The following DLG2 variants were observed in gnomAD, a reference collection of about 807,000 sequenced individuals.
The protein encoded by DLG2 is discs large MAGUK scaffold protein 2, also known as disks large homolog 2.
Under a neutral mutation model 132.5 loss-of-function variants are expected in DLG2, and 45 were observed. That is an observed-to-expected ratio of 0.34 (90% CI 0.27 to 0.44). DLG2 has a LOEUF of 0.44. DLG2 is among the 20% of genes least tolerant of loss of function. The probability of loss-of-function intolerance (pLI) is 1.00; values close to 1 mark genes in which losing one functional copy is unlikely to be tolerated. For missense variants in DLG2, 1,045 were observed against 1,196.9 expected (o/e 0.87, Z 1.87); for synonymous variants, 424 against 419.6 (o/e 1.01, Z -0.13).
At chr11:84,153,357 T>C (rs1318825660) in intron 9 of DLG2, among the ~76,000 whole-genome samples, 1 of 152,120 alleles carries the variant, frequency 6.6e-6, no homozygotes. Flanking sequence ...AGCGGTTTTC[T>C]GTATTTCTTG....
chr11:84,496,978 AGGTAGCCAG>A (rs1206831454), intron 7 of DLG2, among the ~76,000 whole-genome samples: 1 of 152,184 alleles, frequency 6.6e-6, no homozygotes, highest in Non-Finnish European at 1.5e-5. Flanking sequence ...ATAGGTTAAG[AGGTAGCCAG>A]GAATTTAGGT....
chr11:85,176,877 T>G (rs1024706318), intron 4 of DLG2, among the ~76,000 whole-genome samples: 2 of 152,134 alleles, frequency 1.3e-5, no homozygotes, highest in Admixed American at 1.3e-4. Context: ...TCACTGATCA[T>G]TAAAGAAATG....
intron 11 of DLG2, among the ~76,000 whole-genome samples, chr11:84,029,351 C>T (rs572821616): frequency 2.6e-5 from 4 of 152,008 alleles, no homozygotes; most frequent in Non-Finnish European, 4.4e-5. Context: ...GTTGAATGCT[C>T]ACCATACAGA....
At chr11:83,709,428 G>T (rs1007948338) in intron 18 of DLG2, among the ~76,000 whole-genome samples, 5 of 151,112 alleles carry the variant, frequency 3.3e-5, no homozygotes, top group Non-Finnish European at 5.9e-5. Context: ...GAACCACATT[G>T]TAAAGTTCAG....
chr11:84,283,407 A>T (rs1030585015), intron 7 of DLG2, among the ~76,000 whole-genome samples: 1 of 152,228 alleles, frequency 6.6e-6, no homozygotes, highest in Non-Finnish European at 1.5e-5. Context: ...GTTAATATTG[A>T]TAAAACTTTA....
intron 6 of DLG2, among the ~76,000 whole-genome samples, chr11:84,714,978 T>C (rs1596359645): frequency 6.6e-6 from 1 of 152,068 alleles, no homozygotes; most frequent in East Asian, 1.9e-4. Context: ...CTCTCTTTTG[T>C]GAGAGTCACC....
At chr11:84,503,067 G>T (rs1028656755) in intron 7 of DLG2, among the ~76,000 whole-genome samples, 5 of 152,156 alleles carry the variant, frequency 3.3e-5, no homozygotes, top group Non-Finnish European at 7.4e-5. Context: ...CCTGGAAGTG[G>T]TGTTTCTAAT....
intron 6 of DLG2, among the ~76,000 whole-genome samples, chr11:84,785,323 G>T (rs898817664): frequency 6.6e-6 from 1 of 151,906 alleles, no homozygotes; most frequent in East Asian, 1.9e-4. Flanking sequence ...TTATGTTATG[G>T]TTCCCTATAT....
At chr11:84,482,495 T>C (rs1391813542) in intron 7 of DLG2, among the ~76,000 whole-genome samples, 1 of 152,232 alleles carries the variant, frequency 6.6e-6, no homozygotes, top group African/African-American at 2.4e-5. Context: ...AATAAAACCT[T>C]GAGCAAGCTC....
At chr11:84,040,485 C>A (rs1021414331) in intron 11 of DLG2, among the ~76,000 whole-genome samples, 4 of 151,370 alleles carry the variant, frequency 2.6e-5, no homozygotes, top group South Asian at 2.1e-4. Context: ...GGAATCCTTT[C>A]CCCATTGCCT....
rs78449094 is a variant in DLG2 at position 83,891,230 on chromosome 11, T to C, written c.1497-16742A>G. On this transcript the variant is annotated intron_variant, in intron 15 of 27. Coordinates refer to ENST00000376104, the MANE Select transcript of DLG2 (RefSeq NM_001142699.3). ...GAAGACTTAGTGATAGGAAACATTATAGGATGAGTAGCAGAAGGTAACACA... is the reference window on the plus strand; with the variant it reads ...GAAGACTTAGTGATAGGAAACATTACAGGATGAGTAGCAGAAGGTAACACA... 7.3e-5 allele frequency among the ~76,000 whole-genome samples: 11 copies of C among 151,292 alleles called. No homozygotes were observed. In the East Asian group the frequency reaches 7.8e-4, roughly 11 times the overall value.
chr11:85,288,714 T>C (rs1467738571), intron 3 of DLG2, among the ~76,000 whole-genome samples: 2 of 152,050 alleles, frequency 1.3e-5, no homozygotes, highest in African/African-American at 2.4e-5. Flanking sequence ...TCTGTAAACA[T>C]ATCTGCAGCT....
intron 7 of DLG2, among the ~76,000 whole-genome samples, chr11:84,353,905 A>G (rs977005542): frequency 1.7e-4 from 26 of 152,148 alleles, no homozygotes; most frequent in Admixed American, 6.5e-5. Context: ...GATCTTCCTC[A>G]ACCTCCCTGA....
chr11:84,078,120 T>C (rs1406295982), intron 10 of DLG2, among the ~76,000 whole-genome samples: 1 of 152,126 alleles, frequency 6.6e-6, no homozygotes, highest in Non-Finnish European at 1.5e-5. Context: ...TCTTAGTAGA[T>C]TGAGTAGTGT....
At chr11:85,284,703 A>G (rs1416482583) in intron 4 of DLG2, among the ~76,000 whole-genome samples, 1 of 151,996 alleles carries the variant, frequency 6.6e-6, no homozygotes, top group Non-Finnish European at 1.5e-5. Flanking sequence ...ATTGCTTTAT[A>G]TTTATTTTTA....
chr11:84,164,515 G>C (rs1439476027), intron 8 of DLG2, among the ~76,000 whole-genome samples: 1 of 152,192 alleles, frequency 6.6e-6, no homozygotes, highest in Non-Finnish European at 1.5e-5. Context: ...ACCAGGGATT[G>C]AGAGTTCTAT....
chr11:84,397,656 A>T (rs2098815458), intron 7 of DLG2, among the ~76,000 whole-genome samples: 1 of 152,180 alleles, frequency 6.6e-6, no homozygotes, highest in Non-Finnish European at 1.5e-5. Flanking sequence ...CCTATCGCCA[A>T]CTCAGTTGAA....
chr11:85,395,514 T>C (rs1339452677), intron 3 of DLG2, among the ~76,000 whole-genome samples: 1 of 152,140 alleles, frequency 6.6e-6, no homozygotes, highest in Non-Finnish European at 1.5e-5. Context: ...AGGGAAGCCG[T>C]GACAGGCCAT....
intron 6 of DLG2, among the ~76,000 whole-genome samples, chr11:85,000,361 CAT>C (rs1454150610): frequency 1.3e-5 from 2 of 152,162 alleles, no homozygotes; most frequent in African/African-American, 4.8e-5. Flanking sequence ...TCTCCAAAAA[CAT>C]ATTTGCCGAA....
Sources: gnomAD v4.1 joint callset for allele counts (sites outside exome capture counted in the v4.1 genomes callset) on GRCh38, gnomAD v4.1.1 for gene constraint, MANE v1.5 for transcripts, NCBI Gene and HGNC (gene_info 2026-07-23, HGNC 2026-07-21) for gene names.